DMD: variants seen among roughly 807,000 people sequenced by gnomAD.
DMD encodes the protein mutant dystrophin.
DMD carries 63 observed loss-of-function variants against 330.1 expected under a neutral mutation model. The observed-to-expected ratio is 0.19, with a 90% CI of 0.16 to 0.24. The LOEUF is 0.24. Among genes scored for constraint, DMD ranks in the 10% least tolerant of loss-of-function variants. DMD has a pLI of 1.00. For synonymous variants in DMD, 1,223 were observed against 959.8 expected, an observed-to-expected ratio of 1.27 and a Z score of -5.07; for missense variants, 3,344 against 2,684.1, an observed-to-expected ratio of 1.25 and a Z score of -5.43.
At chrX:31,541,960 A>C (rs1336594594) in intron 55 of DMD, among the ~76,000 whole-genome samples, 1 of 111,895 alleles carries the variant, frequency 8.9e-6, no homozygotes, top group Non-Finnish European at 1.9e-5. Flanking sequence ...AATATGTTGG[A>C]TATATCAGGG....
chrX:32,513,173 T>A (rs998287060), intron 18 of DMD, among the ~76,000 whole-genome samples: 2 of 108,643 alleles, frequency 1.8e-5, no homozygotes, highest in African/African-American at 7.2e-5. Context: ...TTATTTATAT[T>A]CAACCAGAGA....
At chrX:31,127,381 T>C (rs1487660087) in intron 77 of DMD, among the ~76,000 whole-genome samples, 1 of 112,273 alleles carries the variant, frequency 8.9e-6, no homozygotes, top group East Asian at 2.8e-4. Context: ...GATTCATAGA[T>C]TCCTACATCT....
intron 64 of DMD, among the ~76,000 whole-genome samples, chrX:31,220,203 C>T (rs1020105220): frequency 1.8e-5 from 2 of 111,608 alleles, no homozygotes; most frequent in Admixed American, 9.5e-5. Context: ...TTAAGCAACA[C>T]GTGACTGTAC....
intron 13 of DMD, among the ~76,000 whole-genome samples, chrX:32,581,857 C>G (rs1388438858): frequency 9.0e-6 from 1 of 111,484 alleles, no homozygotes; most frequent in Non-Finnish European, 1.9e-5. Context: ...TACGTCTTAT[C>G]CAGGTTTAGT....
At chrX:31,959,102 G>T (rs1390283133) in intron 45 of DMD, among the ~76,000 whole-genome samples, 1 of 111,455 alleles carries the variant, frequency 9.0e-6, no homozygotes, top group African/African-American at 3.3e-5. Flanking sequence ...TCTTGAATCT[G>T]TCAGGTTTTT....
chrX:32,335,144 G>C (rs922893879), intron 41 of DMD, among the ~76,000 whole-genome samples: 4 of 110,501 alleles, frequency 3.6e-5, no homozygotes, highest in African/African-American at 1.3e-4. Context: ...ACTTAAAAAA[G>C]TTAGTGGAAA....
At position 32,747,434 on chromosome X, in the gene DMD, C is replaced by A. The variant is rs780190287; in HGVS notation, c.650-48141G>T. Among the ~76,000 whole-genome samples the A allele has an allele frequency of 3.6e-5, 4 of 111,197 alleles. No homozygotes were observed. In the South Asian group the frequency reaches 1.2e-3, roughly 32 times the overall value. ...ACATCCTTAGACATACTCAATCAAG[C>A]GTGAGAGTGAGACCTAGGGATCTGT... On this transcript the variant is annotated intron_variant, in intron 7 of 78. Coordinates refer to ENST00000357033, the MANE Select transcript of DMD (RefSeq NM_004006.3).
intron 45 of DMD, among the ~76,000 whole-genome samples, chrX:31,951,961 G>A (rs1274520188): frequency 9.0e-6 from 1 of 110,955 alleles, no homozygotes; most frequent in Non-Finnish European, 1.9e-5. Context: ...TTGAAGGATA[G>A]TTTTGTTTTA....
chrX:31,316,199 A>G (rs766726463), intron 62 of DMD, among the ~76,000 whole-genome samples: 68 of 112,362 alleles, frequency 6.1e-4, no homozygotes, highest in African/African-American at 2.1e-3. Context: ...AACACTCGGC[A>G]TGCTTCCTAA....
chrX:33,103,596 G>A (rs1392523325), intron 1 of DMD, among the ~76,000 whole-genome samples: 2 of 109,487 alleles, frequency 1.8e-5, no homozygotes, highest in African/African-American at 6.7e-5. Flanking sequence ...CTTATAAAAC[G>A]GCCCCACCCC....
At chrX:33,124,831 C>A (rs1031386011) in intron 1 of DMD, among the ~76,000 whole-genome samples, 1 of 108,932 alleles carries the variant, frequency 9.2e-6, no homozygotes, top group African/African-American at 3.3e-5. Context: ...TCGAGACCAG[C>A]CTGACCAACA....
chrX:31,339,546 T>C (rs913446428), intron 61 of DMD, among the ~76,000 whole-genome samples: 5 of 111,887 alleles, frequency 4.5e-5, no homozygotes, highest in African/African-American at 1.6e-4. Context: ...TGCAAAATTC[T>C]TTCTGACTTT....
At chrX:33,148,228 G>A (rs919018832) in intron 1 of DMD, among the ~76,000 whole-genome samples, 2 of 112,252 alleles carry the variant, frequency 1.8e-5, no homozygotes, top group Non-Finnish European at 3.8e-5. Context: ...ACAAAGTTTC[G>A]AAAGAAGCAC....
chrX:33,339,219 A>G, intron 1 of DMD: 1 of 1,025,217 alleles, frequency 9.8e-7, no homozygotes, highest in Non-Finnish European at 1.3e-6. Flanking sequence ...GCCAGCTTCT[A>G]ATTGTATTTG....
chrX:32,780,840 C>A (rs933279776), intron 7 of DMD, among the ~76,000 whole-genome samples: 6 of 109,998 alleles, frequency 5.5e-5, no homozygotes, highest in African/African-American at 2.0e-4. Context: ...AAAACAGGCA[C>A]TCGCACTTTC....
chrX:31,908,142 T>A (rs1347173669), intron 47 of DMD, among the ~76,000 whole-genome samples: 4 of 112,335 alleles, frequency 3.6e-5, no homozygotes, highest in Non-Finnish European at 5.6e-5. Flanking sequence ...TCAACCATTG[T>A]GGAAGACAGT....
chrX:33,287,201 T>C (rs774914098), intron 1 of DMD, among the ~76,000 whole-genome samples: 5 of 111,729 alleles, frequency 4.5e-5, no homozygotes, highest in Non-Finnish European at 7.5e-5. Flanking sequence ...ATTATATATT[T>C]GGGTTACATA....
chrX:32,825,567 G>A (rs1030695431), intron 4 of DMD, among the ~76,000 whole-genome samples: 3 of 112,185 alleles, frequency 2.7e-5, no homozygotes, highest in Non-Finnish European at 5.6e-5. Flanking sequence ...GATATTGGTA[G>A]ACCAATTATC....
chrX:31,650,724 G>T (rs974404554), intron 54 of DMD, among the ~76,000 whole-genome samples: 1 of 111,642 alleles, frequency 9.0e-6, no homozygotes, highest in African/African-American at 3.3e-5. Flanking sequence ...CCAGGAAAAT[G>T]TTTTACTTTT....
Sources: allele counts gnomAD v4.1 joint callset (sites outside exome capture counted in the v4.1 genomes callset), GRCh38; gene constraint gnomAD v4.1.1; transcripts MANE v1.5; gene names NCBI Gene and HGNC (gene_info 2026-07-23, HGNC 2026-07-21).